Variants in AOPEP observed in about 807,000 individuals in gnomAD.
AOPEP encodes the protein aminopeptidase O.
A neutral mutation model predicts 98.1 loss-of-function variants in AOPEP; 77 were observed. The observed-to-expected ratio is 0.78, with a 90% CI of 0.65 to 0.95. The LOEUF is 0.95. AOPEP is among the 40% of genes least tolerant of loss of function. AOPEP has a pLI of 0.00. For missense variants in AOPEP, 1,024 were observed against 1,024.7 expected, an observed-to-expected ratio of 1.00 and a Z score of 0.01; for synonymous variants, 346 against 365.3, an observed-to-expected ratio of 0.95 and a Z score of 0.60.
chr9:94,980,015 C>T lies in AOPEP; in HGVS notation c.1977+588C>T, dbSNP rs144307194. On this transcript the variant is annotated intron_variant, in intron 11 of 16. Transcript: ENST00000375315. The surrounding 1 kb of genome is among the most constrained non-coding windows in gnomAD (Gnocchi z 4.3). The stretch of plus-strand genomic sequence containing the variant: ...CTGTCTTAGGGACCTGGGCTCATCC[C>T]AGCTGGAGATTGTTGTTCTCTCCCT... Among the ~76,000 whole-genome samples, 178 of 152,320 alleles carry T rather than the reference C, an allele frequency of 1.2e-3. 1 individual carries two copies. Among genetic ancestry groups the T allele is most frequent in the African/African-American group, 4.2e-3 (173 of 41,566 alleles).
At chr9:94,874,577 T>A (rs1045540602) in intron 5 of AOPEP, among the ~76,000 whole-genome samples, 14 of 152,340 alleles carry the variant, frequency 9.2e-5, no homozygotes, top group South Asian at 4.1e-4. Context: ...ATGCTTTTTT[T>A]AAAAGAATTA....
chr9:94,928,668 A>G, intron 7 of AOPEP, 137 bp downstream of exon 7: 1 of 621,616 alleles, frequency 1.6e-6, no homozygotes, highest in Non-Finnish European at 2.8e-6. Context: ...CCCAGATGTG[A>G]TGGTTATGTT....
chr9:94,824,222 C>T (rs1414659016), intron 5 of AOPEP: 1 of 152,090 alleles, frequency 6.6e-6, no homozygotes, highest in Non-Finnish European at 1.5e-5. Context: ...CTTAAGCCCC[C>T]AAAAAGAGGA....
chr9:95,114,718 T>C, the AOPEP span: 7 of 1,613,080 alleles, frequency 4.3e-6, no homozygotes, highest in Admixed American at 1.0e-4. Context: ...TATCTGCGGG[T>C]GGAGAGAGAT....
rs764685313 is a variant in AOPEP at position 94,759,927 on chromosome 9, G to A, written c.144G>A (p.Glu48=). ...AGGGGACCATAGTGCTTTTCCTCGAGGATGGAAACAGATTCAAGAAACAGA... is the reference window on the plus strand; with the variant it reads ...AGGGGACCATAGTGCTTTTCCTCGAAGATGGAAACAGATTCAAGAAACAGA... ...VIEGTIVLFL[E]DGNRFKKQNS... The change falls in exon 2 of 17, where the codon GAG becomes GAA. Residue 48 remains glutamate (E), a synonymous_variant. Coordinates refer to ENST00000375315, the MANE Select transcript of AOPEP (RefSeq NM_001193329.3). 1.2e-6 allele frequency: 2 copies of A among 1,614,140 alleles called. No homozygotes were observed. Among genetic ancestry groups the A allele is most frequent in the South Asian group, 2.2e-5 (2 of 91,074 alleles).
chr9:94,747,412 CTAGT>C (rs1211202250), intron 1 of AOPEP, among the ~76,000 whole-genome samples: 3 of 152,268 alleles, frequency 2.0e-5, no homozygotes, highest in African/African-American at 7.2e-5. Flanking sequence ...TATATTTATG[CTAGT>C]TAGAGTTACG....
chr9:95,018,801 C>T lies in AOPEP; in HGVS notation c.2115+13185C>T, dbSNP rs143094725. The T allele has an allele frequency of 3.5e-3, 532 of 152,338 alleles. 3 individuals are homozygous for T. Among genetic ancestry groups the T allele is most frequent in the Non-Finnish European group, 5.8e-3 (396 of 68,056 alleles). The allele number at this position is 152,338 out of a possible 1,614,324, so 9.4% of individuals were successfully genotyped here. The stretch of plus-strand genomic sequence containing the variant: ...CCACAGTGACTGTGCAACCGCATGT[C>T]ATCCTGTGAAAGGGCAGATACGTGC... On this transcript the variant is annotated intron_variant, in intron 13 of 16. Transcript: ENST00000375315.
Position 94,930,501 on chromosome 9 carries a change from C to T in AOPEP, c.1661+1970C>T, listed in dbSNP as rs950102705. ...GACTGGAACATTCAGCCTATAAAAC[C>T]CTTTAAATCTTGAACACAGTGAAAT... On this transcript the variant is annotated intron_variant, in intron 7 of 16. Transcript: ENST00000375315. This position sits in a 1 kb window ranked among gnomAD's most constrained non-coding sequence, Gnocchi z 4.5. Among the ~76,000 whole-genome samples the T allele has an allele frequency of 1.3e-5, 2 of 152,026 alleles. No homozygotes were observed. The highest frequency in any genetic ancestry group is 2.9e-5 in the Non-Finnish European group (2 of 68,002).
intron 1 of AOPEP, among the ~76,000 whole-genome samples, chr9:94,743,042 G>A (rs994275687): frequency 2.6e-5 from 4 of 152,060 alleles, no homozygotes; most frequent in African/African-American, 9.7e-5. Flanking sequence ...CCACGGCTAA[G>A]CCTTGGGAGG....
chr9:95,050,667 A>G (rs533516070), intron 13 of AOPEP, among the ~76,000 whole-genome samples: 44 of 152,338 alleles, frequency 2.9e-4, no homozygotes, highest in African/African-American at 9.9e-4. Flanking sequence ...CTCCTTACAA[A>G]TGGACAGGTT....
chr9:94,907,983 T>C (rs1394717391), intron 5 of AOPEP, among the ~76,000 whole-genome samples: 1 of 152,150 alleles, frequency 6.6e-6, no homozygotes, highest in Non-Finnish European at 1.5e-5. Context: ...GAAATTATTT[T>C]CCTCACTTTT....
the AOPEP span, among the ~76,000 whole-genome samples, chr9:95,122,442 T>C: frequency 3.3e-3 from 499 of 152,162 alleles, 2 homozygotes; most frequent in African/African-American, 0.011. Context: ...GGAAGAGAAA[T>C]AAACTAACAG....
chr9:94,819,414 G>A (rs1013452589), intron 5 of AOPEP, among the ~76,000 whole-genome samples: 2 of 152,142 alleles, frequency 1.3e-5, no homozygotes, highest in African/African-American at 4.8e-5. Flanking sequence ...GGCAACTCCT[G>A]CCCGCCACTC....
chr9:94,878,559 T>G (rs2047225994), intron 5 of AOPEP, among the ~76,000 whole-genome samples: 1 of 152,094 alleles, frequency 6.6e-6, no homozygotes, highest in Non-Finnish European at 1.5e-5. Context: ...CATAATGCAT[T>G]AAAACCTTGC....
Position 94,756,191 on chromosome 9 carries a change from C to T in AOPEP, c.-135-3458C>T, listed in dbSNP as rs1210161425. On this transcript the variant is annotated intron_variant, in intron 1 of 16. Transcript: ENST00000375315. ...AGGAGAATGGCGTGAACCAGGGAGG[C>T]GGAGCTTACAGTGAGCTGAGATTGT... 1.2e-4 allele frequency among the ~76,000 whole-genome samples: 17 copies of T among 147,456 alleles called. 1 individual carries two copies. The highest frequency in any genetic ancestry group is 2.0e-4 in the East Asian group (1 of 4,980).
intron 5 of AOPEP, among the ~76,000 whole-genome samples, chr9:94,812,151 T>C (rs942139503): frequency 1.3e-5 from 2 of 152,186 alleles, no homozygotes; most frequent in East Asian, 3.9e-4. Flanking sequence ...TGCTTGTTCT[T>C]AGGACCACGT....
intron 13 of AOPEP, among the ~76,000 whole-genome samples, chr9:95,053,116 T>G (rs2066527069): frequency 6.6e-6 from 1 of 152,232 alleles, no homozygotes; most frequent in African/African-American, 2.4e-5. Context: ...TTCTTAGGTT[T>G]GGTTGTGGTA....
intron 6 of AOPEP, among the ~76,000 whole-genome samples, chr9:94,925,344 C>T (rs2136891633): frequency 6.6e-6 from 1 of 152,364 alleles, no homozygotes; most frequent in South Asian, 2.1e-4. Flanking sequence ...GTCCCTTATA[C>T]ACTGGACTAT....
In AOPEP at chr9:94,950,124, G is replaced by A. The variant is rs572323446; in HGVS notation, c.1662-5053G>A. Among the ~76,000 whole-genome samples, 3 of 152,286 alleles carry A rather than the reference G, an allele frequency of 2.0e-5. No individual in the cohort carries two copies. In the South Asian group the frequency reaches 6.2e-4, roughly 32 times the overall value. ...CTCCCAAGAAATTACTGTAGTAGTA[G>A]AGTGAGTTCCTGTGTCCCCTCCCCC... On this transcript the variant is annotated intron_variant, in intron 7 of 16. Transcript: ENST00000375315.
Sources: gnomAD v4.1 joint callset for allele counts (sites outside exome capture counted in the v4.1 genomes callset) on GRCh38, gnomAD v4.1.1 for gene constraint, Gnocchi (gnomAD v3.1) non-coding constraint, MANE v1.5 for transcripts, NCBI Gene and HGNC (gene_info 2026-07-23, HGNC 2026-07-21) for gene names.